Variants in CIT observed in about 807,000 individuals in gnomAD.
CIT encodes the protein citron Rho-interacting kinase.
In CIT, 79 loss-of-function variants were observed where a neutral mutation model predicts 272.7. That is an observed-to-expected ratio of 0.29 (90% CI 0.24 to 0.35). CIT has a LOEUF of 0.35. Ranked by LOEUF, CIT falls within the 10% of genes least tolerant of loss-of-function variation. CIT has a pLI of 1.00. For missense variants in CIT, 1,909 were observed against 2,618.3 expected (o/e 0.73, Z 5.91); for synonymous variants, 948 against 995.6 (o/e 0.95, Z 0.90).
intron 7 of CIT, among the ~76,000 whole-genome samples, chr12:119,825,845 A>G (rs1968119948): frequency 6.6e-6 from 1 of 152,218 alleles, no homozygotes; most frequent in Admixed American, 6.5e-5. Context: ...AGGTGGGTGG[A>G]TCATTTGAGG....
intron 39 of CIT, among the ~76,000 whole-genome samples, chr12:119,708,969 C>A (rs193085311): frequency 2.8e-4 from 42 of 152,262 alleles, no homozygotes; most frequent in African/African-American, 9.6e-4. Flanking sequence ...AAAAAACAGA[C>A]TTGGACTATC....
At chr12:119,810,646 T>C (rs1966839138) in intron 9 of CIT, among the ~76,000 whole-genome samples, 1 of 142,436 alleles carries the variant, frequency 7.0e-6, no homozygotes, top group South Asian at 2.2e-4. Context: ...GAGGTTGCAA[T>C]GAGCCGAGAT....
chr12:119,711,479 G>A (rs7978133), intron 37 of CIT, among the ~76,000 whole-genome samples: 4,033 of 152,260 alleles, frequency 0.026, 63 homozygotes, highest in Non-Finnish European at 0.034. Flanking sequence ...CACAGCTGCC[G>A]GCAGCCTATT....
At chr12:119,758,862 A>G (rs1402054520) in intron 20 of CIT, among the ~76,000 whole-genome samples, 162 bp from the exon 21 acceptor site, 1 of 152,136 alleles carries the variant, frequency 6.6e-6, no homozygotes, top group Admixed American at 6.5e-5. Context: ...GTACCACTCA[A>G]ATGGATGGTA....
intron 4 of CIT, among the ~76,000 whole-genome samples, chr12:119,856,450 T>A (rs1233331616): frequency 6.6e-6 from 1 of 151,966 alleles, no homozygotes; most frequent in Non-Finnish European, 1.5e-5. Context: ...CACAATTTTT[T>A]AAAAAAAGGT....
chr12:119,784,842 C>T lies in CIT; in HGVS notation c.1401+118G>A. On this transcript the variant is annotated intron_variant, in intron 11 of 47. Transcript: ENST00000392521. The surrounding 1 kb of genome is among the most constrained non-coding windows in gnomAD (Gnocchi z 4.7). ...CGCGACTTCAGCGAAGGCAGGAGCG[C>T]CTCACTCTCTACGGATCAGGCGGCT... The T allele has an allele frequency of 6.8e-7, 1 of 1,472,344 alleles. No homozygotes were observed. Among genetic ancestry groups the T allele is most frequent in the Non-Finnish European group, 9.0e-7 (1 of 1,112,328 alleles). The allele number at this position is 1,472,344 out of a possible 1,614,324, so 91.2% of individuals were successfully genotyped here. A position where few individuals can be genotyped will look rare whatever the true frequency, so the allele number is the denominator to read the frequency against.
intron 5 of CIT, 47 bp from the exon 6 acceptor site, chr12:119,834,275 G>A (rs901308005): frequency 2.4e-5 from 36 of 1,509,176 alleles, no homozygotes; most frequent in Non-Finnish European, 3.2e-5. Context: ...CCCAAAAATA[G>A]GGAATGCCTC....
At position 119,717,414 on chromosome 12, in the gene CIT, CTTTTCTT is replaced by C. The variant is rs869214138; in HGVS notation, c.4168+824_4168+830del. 4.0e-3 allele frequency among the ~76,000 whole-genome samples: 437 copies of C among 109,360 alleles called. 5 individuals are homozygous for C. In the East Asian group the frequency reaches 0.08, roughly 20 times the overall value. 71.7% of individuals were successfully genotyped at this position (109,360 alleles called of 152,430 possible). A position where few individuals can be genotyped will look rare whatever the true frequency, so the allele number is the denominator to read the frequency against. ...ATTTTTTCATATTCTTTTTTCTTTT[CTTTTCTT>C]TTTTTTTTTTTTTTTTTGAGATGGA... is the stretch of plus-strand genomic sequence containing the variant. On this transcript the variant is annotated intron_variant, in intron 32 of 47. Transcript: ENST00000392521.
At chr12:119,833,651 T>A in intron 6 of CIT, among the ~76,000 whole-genome samples, 1 of 119,442 alleles carries the variant, frequency 8.4e-6, no homozygotes, top group African/African-American at 3.5e-5. Context: ...GCAACAGAGC[T>A]AGACTCTGTC....
At position 119,792,851 on chromosome 12, in the gene CIT, A is replaced by G. The variant is rs1965424269; in HGVS notation, c.1296-7786T>C. Among the ~76,000 whole-genome samples the G allele has an allele frequency of 3.3e-5, 5 of 151,494 alleles. No homozygotes were observed. The South Asian group carries it at 1.0e-3, about 32-fold the overall frequency. ...GTGGCACGCACCTGTAGTCCTAGCT[A>G]CTCGGGAGGCTGAGGCAGGAGAATT... On this transcript the variant is annotated intron_variant, in intron 10 of 47. Transcript: ENST00000392521.
In CIT at chr12:119,752,060, T is replaced by C. The variant is rs767197331; in HGVS notation, c.2894A>G (p.Gln965Arg). 2.5e-6 allele frequency: 4 copies of C among 1,611,808 alleles called. 1 individual carries two copies. The South Asian group carries it at 4.4e-5, about 18-fold the overall frequency. Residue 965 changes from glutamine to arginine, a missense_variant, in exon 23 of 48, where the codon CAG becomes CGG. Around this residue, in one of 8 missense-constraint regions of CIT, gnomAD observed 530 missense variants for 822.4 expected, o/e 0.64. Transcript: ENST00000392521. Reference sequence around the variant, plus strand: ...GCTCCCCAGACCTACCGTGAGTGCCTGGATCTCCTCTTCAGCTTCTGCTGT... The same window carrying C: ...GCTCCCCAGACCTACCGTGAGTGCCCGGATCTCCTCTTCAGCTTCTGCTGT... ...ETTAEAEEEI[Q>R]ALTAHRDEIQ...
chr12:119,699,626 TCCAGCCACCAGCCG>T, intron 44 of CIT: 1 of 357,220 alleles, frequency 2.8e-6, no homozygotes. Flanking sequence ...CAACAAGGCC[TCCAGCCACCAGCCG>T]CAGCTAAGCG....
At chr12:119,854,899 G>A (rs927526814) in intron 4 of CIT, among the ~76,000 whole-genome samples, 15 of 152,010 alleles carry the variant, frequency 9.9e-5, no homozygotes, top group Admixed American at 5.2e-4. Flanking sequence ...GCAGTGAGCC[G>A]AGATCGTGCC....
At chr12:119,787,443 AC>A (rs1465120139) in intron 10 of CIT, among the ~76,000 whole-genome samples, 10 of 144,902 alleles carry the variant, frequency 6.9e-5, no homozygotes, top group African/African-American at 2.6e-4. Context: ...AAAAAAAAAA[AC>A]AAATAGGCCG....
intron 46 of CIT, among the ~76,000 whole-genome samples, chr12:119,691,591 G>A (rs973860276): frequency 1.3e-5 from 2 of 152,176 alleles, no homozygotes; most frequent in Non-Finnish European, 2.9e-5. Context: ...CTCAGAAAAC[G>A]TCCCAGGCCT....
intron 44 of CIT, 105 bp downstream of exon 44, chr12:119,700,640 C>A: frequency 1.1e-6 from 1 of 946,470 alleles, no homozygotes; most frequent in Non-Finnish European, 1.7e-6. Flanking sequence ...CTCGGCCTCC[C>A]AAAGTGTTGG....
chr12:119,696,607 C>A (rs1311279020), intron 46 of CIT, among the ~76,000 whole-genome samples: 1 of 152,174 alleles, frequency 6.6e-6, no homozygotes, highest in East Asian at 1.9e-4. Flanking sequence ...CTCACGGCAA[C>A]CTCCGCCTCA....
At chr12:119,846,726 A>G (rs1367971982) in intron 5 of CIT, among the ~76,000 whole-genome samples, 1 of 152,176 alleles carries the variant, frequency 6.6e-6, no homozygotes, top group East Asian at 1.9e-4. Flanking sequence ...CAACATAGTG[A>G]GACCCTAGTC....
chr12:119,769,874 A>C (rs7136614), intron 18 of CIT, among the ~76,000 whole-genome samples: 10,634 of 152,256 alleles, frequency 0.07, 881 homozygotes, highest in African/African-American at 0.2. Context: ...GTTGGCCACT[A>C]TGGAATTCCA....
Sources: gnomAD v4.1 joint callset for allele counts (sites outside exome capture counted in the v4.1 genomes callset) on GRCh38, gnomAD v4.1.1 for gene constraint, gnomAD v4.1.1 regional missense constraint, Gnocchi (gnomAD v3.1) non-coding constraint, MANE v1.5 for transcripts, NCBI Gene and HGNC (gene_info 2026-07-23, HGNC 2026-07-21) for gene names.